SLC22A12: variants seen among roughly 807,000 people sequenced by gnomAD.
The protein encoded by SLC22A12 is organic anion transporter 4-like protein.
Under a neutral mutation model 52.7 loss-of-function variants are expected in SLC22A12, and 56 were observed. The ratio of observed to expected loss-of-function variants is 1.06; its 90% CI spans 0.86 to 1.33. SLC22A12 has a LOEUF of 1.33. SLC22A12 is among the 40% of genes most tolerant of loss of function. SLC22A12 has a pLI of 0.00. For synonymous variants in SLC22A12, 337 were observed against 324.6 expected, an observed-to-expected ratio of 1.04 and a Z score of -0.41; for missense variants, 683 against 741.5, an observed-to-expected ratio of 0.92 and a Z score of 0.92.
At chr11:64,595,820 G>GATGGATGGTTGA (rs1171865907) in intron 4 of SLC22A12, among the ~76,000 whole-genome samples, 12 of 22,836 alleles carry the variant, frequency 5.3e-4, no homozygotes, top group Admixed American at 1.5e-3. Context: ...TAGATGGATG[G>GATGGATGGTTGA]ATGGACGGTT....
Position 64,602,172 on chromosome 11 carries a change from T to G in SLC22A12, c.*621T>G, listed in dbSNP as rs990566829. On this transcript the variant is annotated 3_prime_UTR_variant, in exon 10 of 10. Coordinates refer to ENST00000377574, the MANE Select transcript of SLC22A12 (RefSeq NM_144585.4). ...CCAGGGGTCCAGGGCCAGCCTGAGA[T>G]GCCCGTGAAACTCCTACCCACAGTT... is the stretch of plus-strand genomic sequence containing the variant. 2.3e-5 allele frequency: 4 copies of G among 172,438 alleles called. No homozygotes were observed. Among genetic ancestry groups the G allele is most frequent in the African/African-American group, 9.6e-5 (4 of 41,792 alleles). The allele number at this position is 172,438 out of a possible 1,614,324, so 10.7% of individuals were successfully genotyped here.
At chr11:64,598,374 C>A in intron 4 of SLC22A12, 142 bp from the exon 5 acceptor site, 1 of 1,190,640 alleles carries the variant, frequency 8.4e-7, no homozygotes, top group Non-Finnish European at 1.2e-6. Flanking sequence ...GAGGGCTTGG[C>A]TGCCACAACG....
chr11:64,595,044 A>G (rs951510775), intron 4 of SLC22A12, among the ~76,000 whole-genome samples: 5 of 102,602 alleles, frequency 4.9e-5, no homozygotes, highest in Admixed American at 1.1e-4. Flanking sequence ...GGATGGATGG[A>G]TGGGTGGATG....
chr11:64,596,258 G>T (rs1591396106), intron 4 of SLC22A12, among the ~76,000 whole-genome samples: 1 of 140,774 alleles, frequency 7.1e-6, no homozygotes. Flanking sequence ...ATGGATGGAT[G>T]GATGGATGGA....
chr11:64,596,178 A>AATGG (rs1201869357), intron 4 of SLC22A12, among the ~76,000 whole-genome samples: 4 of 145,646 alleles, frequency 2.7e-5, no homozygotes, highest in East Asian at 2.2e-4. Context: ...GAATAGATGG[A>AATGG]ATGGATGGAT....
Position 64,591,315 on chromosome 11 carries a change from G to T in SLC22A12, c.-242G>T. On this transcript the variant is annotated 5_prime_UTR_variant, in exon 1 of 10. Coordinates refer to ENST00000377574, the MANE Select transcript of SLC22A12 (RefSeq NM_144585.4). The stretch of plus-strand genomic sequence containing the variant: ...GCAGCTGCCTCTCTGGGGAGATGCT[G>T]GAGGTCTCGGAATCACCTCACGCGG... 9 of 573,528 alleles carry T rather than the reference G, an allele frequency of 1.6e-5. No individual in the cohort carries two copies. In the South Asian group the frequency reaches 2.0e-4, roughly 13 times the overall value. 35.5% of individuals were successfully genotyped at this position (573,528 alleles called of 1,614,324 possible). A position where few individuals can be genotyped will look rare whatever the true frequency, so the allele number is the denominator to read the frequency against.
intron 4 of SLC22A12, among the ~76,000 whole-genome samples, chr11:64,594,929 A>AATAG (rs2039057176): frequency 3.3e-5 from 2 of 61,424 alleles, no homozygotes; most frequent in African/African-American, 6.4e-5. Flanking sequence ...TGGATTGTTG[A>AATAG]ATGGATGGTT....
chr11:64,591,512 C>A lies in SLC22A12; in HGVS notation c.-45C>A. 1.9e-6 allele frequency: 3 copies of A among 1,604,988 alleles called. No homozygotes were observed. Among genetic ancestry groups the A allele is most frequent in the Non-Finnish European group, 2.5e-6 (3 of 1,179,844 alleles). On this transcript the variant is annotated 5_prime_UTR_variant, in exon 1 of 10. Transcript: ENST00000377574. Reference sequence around the variant, plus strand: ...CCCTGGCCTCTTTGCCCTGGGCCAGCCTTTGTGAAGTGGGCCCCTCTTCTG... The same window carrying A: ...CCCTGGCCTCTTTGCCCTGGGCCAGACTTTGTGAAGTGGGCCCCTCTTCTG...
chr11:64,600,732 C>A lies in SLC22A12; in HGVS notation c.1395-3C>A, dbSNP rs987077814. ...GCGCTTATAGGTGCATCTGCATTGG[C>A]AGGATGACGGCAGTGGGCTTGGGCC... On this transcript the variant is annotated splice_region_variant and splice_polypyrimidine_tract_variant and intron_variant, in intron 8 of 9. Coordinates refer to ENST00000377574, the MANE Select transcript of SLC22A12 (RefSeq NM_144585.4). 4 of 1,604,490 alleles carry A rather than the reference C, an allele frequency of 2.5e-6. No individual in the cohort carries two copies. In the African/African-American group the frequency reaches 5.3e-5, roughly 21 times the overall value.
At chr11:64,592,177 G>A (rs1013199344) in intron 1 of SLC22A12, among the ~76,000 whole-genome samples, 6 of 152,168 alleles carry the variant, frequency 3.9e-5, no homozygotes, top group East Asian at 3.9e-4. Context: ...GGTGCGGGGG[G>A]CACCTGGGCG....
In SLC22A12 at chr11:64,601,811, G is replaced by T; in HGVS notation, c.*260G>T. The T allele has an allele frequency of 2.1e-6, 1 of 468,978 alleles. No homozygotes were observed. Among genetic ancestry groups the T allele is most frequent in the Middle Eastern group, 6.2e-4 (1 of 1,616 alleles). The allele number at this position is 468,978 out of a possible 1,614,324, so 29.1% of individuals were successfully genotyped here. On this transcript the variant is annotated 3_prime_UTR_variant, in exon 10 of 10. Coordinates refer to ENST00000377574, the MANE Select transcript of SLC22A12 (RefSeq NM_144585.4). ...TGCACCATCACCCTGCCCTGCCCTCGTGGCTTCGGAGAGCAGAGGGGTCAG... is the reference window on the plus strand; with the variant it reads ...TGCACCATCACCCTGCCCTGCCCTCTTGGCTTCGGAGAGCAGAGGGGTCAG...
At chr11:64,601,278 C>T (rs959110379) in intron 9 of SLC22A12, among the ~76,000 whole-genome samples, 2 of 152,214 alleles carry the variant, frequency 1.3e-5, no homozygotes, top group South Asian at 2.1e-4. Context: ...TGGGGGCCCT[C>T]GCAGGCCCCA....
intron 4 of SLC22A12, among the ~76,000 whole-genome samples, chr11:64,597,472 C>A (rs959398608): frequency 2.0e-5 from 3 of 152,212 alleles, no homozygotes; most frequent in African/African-American, 7.2e-5. Flanking sequence ...GCGTGGGGAG[C>A]AGCCCCTGAA....
rs1473585934 is a variant in SLC22A12, at chr11:64,601,818, C to T, written c.*267C>T. 23 of 461,476 alleles carry T rather than the reference C, an allele frequency of 5.0e-5. No homozygotes were observed. Among genetic ancestry groups the T allele is most frequent in the South Asian group, 1.8e-4 (9 of 48,978 alleles). The allele number at this position is 461,476 out of a possible 1,614,324, so 28.6% of individuals were successfully genotyped here. On this transcript the variant is annotated 3_prime_UTR_variant, in exon 10 of 10. Coordinates refer to ENST00000377574, the MANE Select transcript of SLC22A12 (RefSeq NM_144585.4). ...TCACCCTGCCCTGCCCTCGTGGCTT[C>T]GGAGAGCAGAGGGGTCAGGCCCAGG...
rs1476443243 is a variant in SLC22A12, at chr11:64,598,904, T to C, written c.1051T>C (p.Cys351Arg). ...LRMPGLRFRTCISTLCWFAFG... is the reference protein window; with the variant it reads ...LRMPGLRFRTRISTLCWFAFG... ...CATGCCCGGACTGCGCTTCCGGACC[T>C]GTATCTCCACGTTGTGCTGGTAGAT... Residue 351 changes from cysteine (C) to arginine (R), a missense_variant, in exon 6 of 10, where the codon TGT (cysteine) becomes CGT (arginine). Transcript: ENST00000377574. 1 of 1,612,736 alleles carries C rather than the reference T, an allele frequency of 6.2e-7. No individual in the cohort carries two copies. The highest frequency in any genetic ancestry group is 8.5e-7 in the Non-Finnish European group (1 of 1,179,978).
At chr11:64,596,596 G>A (rs1217049051) in intron 4 of SLC22A12, among the ~76,000 whole-genome samples, 4 of 152,162 alleles carry the variant, frequency 2.6e-5, no homozygotes, top group Admixed American at 6.5e-5. Context: ...GCAGGTGCCC[G>A]CACCCACACT....
chr11:64,599,927 C>T (rs1334777296), intron 7 of SLC22A12, 37 bp downstream of exon 7: 4 of 1,596,644 alleles, frequency 2.5e-6, no homozygotes, highest in Middle Eastern at 1.8e-4. Context: ...GACTTCCCTA[C>T]CTTGGGGGGG....
chr11:64,592,695 C>T, intron 1 of SLC22A12, 84 bp from the exon 2 acceptor site: 1 of 1,167,994 alleles, frequency 8.6e-7, no homozygotes, highest in Non-Finnish European at 1.3e-6. Flanking sequence ...ACCCAGCTCC[C>T]TGGGGGCCCT....
At chr11:64,597,368 C>T (rs1235927457) in intron 4 of SLC22A12, among the ~76,000 whole-genome samples, 1 of 152,152 alleles carries the variant, frequency 6.6e-6, no homozygotes, top group Non-Finnish European at 1.5e-5. Flanking sequence ...TGACCTCCAG[C>T]CTTACACCTC....
Sources: allele counts gnomAD v4.1 joint callset (sites outside exome capture counted in the v4.1 genomes callset), GRCh38; gene constraint gnomAD v4.1.1; transcripts MANE v1.5; gene names NCBI Gene and HGNC (gene_info 2026-07-23, HGNC 2026-07-21).